C11orf65: variants seen among roughly 807,000 people sequenced by gnomAD.
The protein encoded by C11orf65 is chromosome 11 open reading frame 65.
A neutral mutation model predicts 35.3 loss-of-function variants in C11orf65; 38 were observed. That is an observed-to-expected ratio of 1.08 (90% CI 0.83 to 1.41). The LOEUF (loss-of-function observed/expected upper bound fraction) is 1.41, where lower values mean the gene tolerates loss of function less well. Among genes scored for constraint, C11orf65 ranks in the 40% most tolerant of loss-of-function variants. C11orf65 has a pLI of 0.00. For synonymous variants in C11orf65, 105 were observed against 114.4 expected (o/e 0.92, Z 0.53); for missense variants, 370 against 367.1 (o/e 1.01, Z -0.06).
intron 3 of C11orf65, among the ~76,000 whole-genome samples, chr11:108,425,935 T>A (rs1305757149): frequency 6.6e-6 from 1 of 152,148 alleles, no homozygotes; most frequent in Non-Finnish European, 1.5e-5. Context: ...AGGCCTTTGA[T>A]AAAATTCAAC....
intron 6 of C11orf65, among the ~76,000 whole-genome samples, chr11:108,400,962 A>G (rs2092428081): frequency 6.6e-6 from 1 of 152,062 alleles, no homozygotes; most frequent in South Asian, 2.1e-4. Flanking sequence ...AAAAAAAATT[A>G]GCCAGGCATG....
chr11:108,422,879 C>G lies in C11orf65; in HGVS notation c.174+8867G>C, dbSNP rs551291269. The stretch of plus-strand genomic sequence containing the variant: ...CCTGGGCGACAGAGCAAGACTCTGT[C>G]TCAAAAAAAAAAAAAAAGCTGGCCT... On this transcript the variant is annotated intron_variant, in intron 3 of 8. Coordinates refer to ENST00000393084, the MANE Select transcript of C11orf65 (RefSeq NM_152587.5). Among the ~76,000 whole-genome samples the G allele has an allele frequency of 2.7e-5, 4 of 146,062 alleles. No individual in the cohort carries two copies. The South Asian group carries it at 8.6e-4, about 31-fold the overall frequency.
intron 2 of C11orf65, among the ~76,000 whole-genome samples, chr11:108,338,771 G>A (rs2087137946): frequency 6.6e-6 from 1 of 152,124 alleles, no homozygotes; most frequent in Non-Finnish European, 1.5e-5. Context: ...CTATTTCTTA[G>A]AATTACGACA....
intron 6 of C11orf65, chr11:108,321,227 C>T: frequency 6.3e-7 from 1 of 1,590,256 alleles, no homozygotes; most frequent in Non-Finnish European, 8.6e-7. Flanking sequence ...AACTCTTTAA[C>T]AACAAATTTA....
chr11:108,356,737 AT>A (rs1396413361), intron 2 of C11orf65, among the ~76,000 whole-genome samples: 4 of 152,080 alleles, frequency 2.6e-5, no homozygotes, highest in African/African-American at 9.7e-5. Flanking sequence ...GGCCTCAGAA[AT>A]CTTACTAGTT....
chr11:108,317,302 C>T (rs2136158331), intron 6 of C11orf65: 1 of 1,483,230 alleles, frequency 6.7e-7, no homozygotes, highest in Non-Finnish European at 9.3e-7. Flanking sequence ...TGTATCTTTG[C>T]TGTTTTTTTC....
chr11:108,309,038 A>G (rs1220005287), exon 7 of C11orf65: 33 of 1,522,580 alleles, frequency 2.2e-5, no homozygotes, highest in Non-Finnish European at 2.9e-5. Context: ...TTCATATTCC[A>G]TTTTAATGCT....
intron 6 of C11orf65, among the ~76,000 whole-genome samples, chr11:108,401,676 A>G (rs898746709): frequency 2.6e-5 from 4 of 152,202 alleles, no homozygotes; most frequent in Admixed American, 1.3e-4. Context: ...AGGTAACTTA[A>G]CTCTTTGTTC....
chr11:108,402,069 A>C (rs1455676837), intron 6 of C11orf65, among the ~76,000 whole-genome samples: 1 of 152,164 alleles, frequency 6.6e-6, no homozygotes, highest in Non-Finnish European at 1.5e-5. Flanking sequence ...TTTATAAACT[A>C]TCTCCTCTTG....
At chr11:108,446,233 C>A (rs2093255151) in intron 2 of C11orf65, among the ~76,000 whole-genome samples, 1 of 151,728 alleles carries the variant, frequency 6.6e-6, no homozygotes, top group East Asian at 1.9e-4. Flanking sequence ...GGAGAACTTC[C>A]CCAATCTAGC....
Position 108,418,861 on chromosome 11 carries a change from T to C in C11orf65, c.175-11712A>G, listed in dbSNP as rs182296877. 9.2e-3 allele frequency among the ~76,000 whole-genome samples: 1,397 copies of C among 152,234 alleles called. 11 individuals carry two copies. Among genetic ancestry groups the C allele is most frequent in the Non-Finnish European group, 0.016 (1,071 of 67,988 alleles). On this transcript the variant is annotated intron_variant, in intron 3 of 8. Coordinates refer to ENST00000393084, the MANE Select transcript of C11orf65 (RefSeq NM_152587.5). ...ATTAGAAAGATCATAAAAAGTATTA[T>C]GAATAATTTTAAGCTAATAAATTTG...
At chr11:108,358,490 T>C (rs2090312760) in intron 2 of C11orf65, among the ~76,000 whole-genome samples, 1 of 149,640 alleles carries the variant, frequency 6.7e-6, no homozygotes, top group Non-Finnish European at 1.5e-5. Context: ...AGACACATAA[T>C]TGTCAGATTC....
At chr11:108,385,634 A>G (rs1343878401) in intron 8 of C11orf65, among the ~76,000 whole-genome samples, 1 of 151,970 alleles carries the variant, frequency 6.6e-6, no homozygotes, top group East Asian at 1.9e-4. Flanking sequence ...GTGAGCCAAC[A>G]TCGCACCACT....
chr11:108,347,679 T>C lies in C11orf65; in HGVS notation c.227-12387A>G, dbSNP rs147023766. Among the ~76,000 whole-genome samples, 387 of 152,154 alleles carry C rather than the reference T, an allele frequency of 2.5e-3. 1 individual carries two copies. The highest frequency in any genetic ancestry group is 4.4e-3 in the Non-Finnish European group (297 of 67,950). ...GCTATTCCACCAAAACAAGGAGTAA[T>C]TTTAAGATGTAGCATGTTGTGGGAG... On this transcript the variant is annotated intron_variant, in intron 2 of 3. Coordinates refer to the C11orf65 transcript ENST00000524755.
rs1591429120 is a variant in C11orf65, at chr11:108,382,807, T to G, written c.*214A>C. The G allele has an allele frequency of 1.0e-6, 1 of 984,448 alleles. No homozygotes were observed. The highest frequency in any genetic ancestry group is 1.1e-4 in the East Asian group (1 of 8,816). The allele number at this position is 984,448 out of a possible 1,614,324, so 61.0% of individuals were successfully genotyped here. A position where few individuals can be genotyped will look rare whatever the true frequency, so the allele number is the denominator to read the frequency against. ...AAGTGTGACTGTTAGAATACTACAG[T>G]TTCTCAGAATACTAGGAATAATTTC... On this transcript the variant is annotated 3_prime_UTR_variant, in exon 9 of 9. Coordinates refer to ENST00000393084, the MANE Select transcript of C11orf65 (RefSeq NM_152587.5).
chr11:108,316,594 T>A (rs142972984), intron 6 of C11orf65, among the ~76,000 whole-genome samples: 1 of 152,108 alleles, frequency 6.6e-6, no homozygotes, highest in East Asian at 1.9e-4. Context: ...TTGGGAAACA[T>A]TAAACGATAT....
intron 3 of C11orf65, among the ~76,000 whole-genome samples, chr11:108,429,201 G>C (rs2092951411): frequency 6.6e-6 from 1 of 151,952 alleles, no homozygotes; most frequent in African/African-American, 2.4e-5. Flanking sequence ...CAACCACATA[G>C]GAAAATATTG....
rs369940136 is a variant in C11orf65, at chr11:108,316,062, T to C, written c.641-6991A>G. 24 of 1,614,174 alleles carry C rather than the reference T, an allele frequency of 1.5e-5. No homozygotes were observed. The African/African-American group carries it at 2.4e-4, about 16-fold the overall frequency. ...TGTGGGGCAAAGCCCTAGTAACATA[T>C]GACCTCGAAACAGCAATCCCCTCAT... On this transcript the variant is annotated intron_variant, in intron 6 of 6. Coordinates refer to the C11orf65 transcript ENST00000525729.
At chr11:108,466,579 AAAC>A (rs1477260845) in intron 1 of C11orf65, among the ~76,000 whole-genome samples, 4 of 152,216 alleles carry the variant, frequency 2.6e-5, no homozygotes, top group Admixed American at 2.0e-4. Flanking sequence ...TCTCAAAAAC[AAAC>A]AACAACAAAA....
Sources: allele counts gnomAD v4.1 joint callset (sites outside exome capture counted in the v4.1 genomes callset), GRCh38; gene constraint gnomAD v4.1.1; transcripts MANE v1.5; gene names NCBI Gene and HGNC (gene_info 2026-07-23, HGNC 2026-07-21).